Variants in GRIA3 observed in about 807,000 individuals in gnomAD.
GRIA3 encodes glutamate receptor 3.
GRIA3 carries 3 observed loss-of-function variants against 63.0 expected under a neutral mutation model. The observed-to-expected ratio is 0.05, with a 90% CI of 0.02 to 0.12. The LOEUF is 0.12. Among genes scored for constraint, GRIA3 ranks in the 10% least tolerant of loss-of-function variants. The pLI is 1.00. For synonymous variants in GRIA3, 274 were observed against 257.9 expected, an observed-to-expected ratio of 1.06 and a Z score of -0.60; for missense variants, 347 against 700.9, an observed-to-expected ratio of 0.50 and a Z score of 5.70.
intron 2 of GRIA3, among the ~76,000 whole-genome samples, chrX:123,250,399 C>T (rs1474272643): frequency 8.9e-6 from 1 of 111,960 alleles, no homozygotes; most frequent in African/African-American, 3.2e-5. Flanking sequence ...ACCAGAACCT[C>T]GCCACTTATC....
At chrX:123,261,592 C>T (rs771239808) in intron 3 of GRIA3, among the ~76,000 whole-genome samples, 10 of 111,637 alleles carry the variant, frequency 9.0e-5, no homozygotes, top group African/African-American at 2.9e-4. Context: ...CCTTCATATG[C>T]GGAAATGGTG....
At chrX:123,226,998 C>G (rs906285183) in intron 2 of GRIA3, among the ~76,000 whole-genome samples, 3 of 111,025 alleles carry the variant, frequency 2.7e-5, no homozygotes, top group Non-Finnish European at 5.7e-5. Flanking sequence ...CTAATATGAC[C>G]ACTAATAAAA....
chrX:123,184,617 G>C lies in GRIA3; in HGVS notation c.82G>C (p.Gly28Arg). ...CCTGGGGCTTTTGGGTCATTCTCAC[G>C]GAGGATTCCCCAACACCATCAGCAT... ...LVLGLLGHSH[G>R]GFPNTISIGG... The change falls in exon 1 of 16, where the codon GGA becomes CGA. Residue 28 changes from glycine (G) to arginine (R), a missense_variant. Coordinates refer to ENST00000620443, the MANE Select transcript of GRIA3 (RefSeq NM_007325.5). 1 of 1,201,767 alleles carries C rather than the reference G, an allele frequency of 8.3e-7. No homozygotes were observed. Among genetic ancestry groups the C allele is most frequent in the Non-Finnish European group, 1.1e-6 (1 of 887,124 alleles).
Position 123,368,333 on chromosome X carries a change from T to A in GRIA3, c.750+13370T>A, listed in dbSNP as rs746055351. 8.9e-5 allele frequency among the ~76,000 whole-genome samples: 10 copies of A among 111,849 alleles called. No homozygotes were observed. In the South Asian group the frequency reaches 3.8e-3, roughly 43 times the overall value. On this transcript the variant is annotated intron_variant, in intron 5 of 15. Transcript: ENST00000620443. ...AGCCAGCTAGCTATGGAGAATAATTTGACAGCTGGCAGGCAGACAGGTAGG... is the reference window on the plus strand; with the variant it reads ...AGCCAGCTAGCTATGGAGAATAATTAGACAGCTGGCAGGCAGACAGGTAGG...
intron 12 of GRIA3, among the ~76,000 whole-genome samples, chrX:123,436,424 T>C (rs917936916): frequency 9.0e-6 from 1 of 111,627 alleles, no homozygotes; most frequent in Non-Finnish European, 1.9e-5. Context: ...AATATTACTA[T>C]TGTGCTCATC....
At chrX:123,376,820 A>G (rs1053055454) in intron 5 of GRIA3, among the ~76,000 whole-genome samples, 3 of 110,067 alleles carry the variant, frequency 2.7e-5, no homozygotes, top group Admixed American at 1.9e-4. Flanking sequence ...AATGCCTTCA[A>G]ATGTTGTCAT....
At chrX:123,283,684 A>G (rs886499962) in intron 3 of GRIA3, among the ~76,000 whole-genome samples, 1 of 111,252 alleles carries the variant, frequency 9.0e-6, no homozygotes, top group African/African-American at 3.3e-5. Context: ...CTGTAACCAG[A>G]CTCCCTCTCT....
rs1391877228 is a variant in GRIA3, at chrX:123,188,638, C to A, written c.268+2648C>A. ...ACAGATGAGTCTCAATCTGGCCAAC[C>A]ACCTCTCCTATCTGGTTCAATATGG... On this transcript the variant is annotated intron_variant, in intron 2 of 15. Coordinates refer to ENST00000620443, the MANE Select transcript of GRIA3 (RefSeq NM_007325.5). 2.7e-5 allele frequency among the ~76,000 whole-genome samples: 3 copies of A among 110,913 alleles called. No individual in the cohort carries two copies. In the South Asian group the frequency reaches 1.2e-3, roughly 43 times the overall value.
Position 123,253,558 on chromosome X carries a change from T to A in GRIA3, c.508+16T>A. ...ACAGAACGAGGTAAGAAGAGGCACC[T>A]GCTCTGCTCTTTAGATATTCATGTA... On this transcript the variant is annotated intron_variant, in intron 3 of 15. Transcript: ENST00000620443. The A allele has an allele frequency of 2.5e-6, 3 of 1,193,060 alleles. No homozygotes were observed. The highest frequency in any genetic ancestry group is 3.4e-6 in the Non-Finnish European group (3 of 879,993).
chrX:123,271,704 G>A (rs539306090), intron 3 of GRIA3, among the ~76,000 whole-genome samples: 1 of 111,929 alleles, frequency 8.9e-6, no homozygotes, highest in Admixed American at 9.5e-5. Context: ...ATTTCCTTTA[G>A]TCGTCACAAA....
chrX:123,463,690 G>A (rs1460448945), intron 12 of GRIA3, among the ~76,000 whole-genome samples: 3 of 45,745 alleles, frequency 6.6e-5, no homozygotes, highest in East Asian at 6.2e-4. Flanking sequence ...GAAAGAGAGA[G>A]AAAGAAAGAA....
At chrX:123,401,163 G>T (rs2045441554) in intron 7 of GRIA3, among the ~76,000 whole-genome samples, 2 of 111,912 alleles carry the variant, frequency 1.8e-5, no homozygotes, top group South Asian at 7.5e-4. Flanking sequence ...TTCAATACTG[G>T]ACCACATCCT....
intron 2 of GRIA3, among the ~76,000 whole-genome samples, chrX:123,189,833 C>A (rs898376250): frequency 1.8e-5 from 2 of 111,096 alleles, no homozygotes; most frequent in African/African-American, 6.6e-5. Context: ...CTAAACGTAA[C>A]CCATCAGATG....
At chrX:123,456,380 C>T (rs2035893549) in intron 12 of GRIA3, among the ~76,000 whole-genome samples, 1 of 111,315 alleles carries the variant, frequency 9.0e-6, no homozygotes, top group South Asian at 3.8e-4. Context: ...AAATCTAAGG[C>T]CTCTCTGAAT....
At chrX:123,257,862 A>C (rs2044428626) in intron 3 of GRIA3, among the ~76,000 whole-genome samples, 1 of 111,660 alleles carries the variant, frequency 9.0e-6, no homozygotes. Context: ...TTTCTCTGAA[A>C]TTATGAAACA....
At chrX:123,455,332 GA>G (rs1384342256) in intron 12 of GRIA3, among the ~76,000 whole-genome samples, 1 of 112,103 alleles carries the variant, frequency 8.9e-6, no homozygotes, top group African/African-American at 3.2e-5. Context: ...AGTGAAGGAA[GA>G]AAGTGAAATT....
At chrX:123,388,201 CCA>C (rs1327668718) in intron 5 of GRIA3, among the ~76,000 whole-genome samples, 3 of 111,424 alleles carry the variant, frequency 2.7e-5, no homozygotes, top group Non-Finnish European at 5.7e-5. Context: ...TCAAGGTTTT[CCA>C]GTTTGTTATC....
At chrX:123,236,593 A>G (rs758799470) in intron 2 of GRIA3, among the ~76,000 whole-genome samples, 3 of 111,213 alleles carry the variant, frequency 2.7e-5, no homozygotes, top group African/African-American at 6.5e-5. Flanking sequence ...TTATTCCTAT[A>G]ATAATAGGGT....
At chrX:123,315,316 G>A (rs188824068) in intron 3 of GRIA3, among the ~76,000 whole-genome samples, 1 of 112,338 alleles carries the variant, frequency 8.9e-6, no homozygotes, top group East Asian at 2.8e-4. Flanking sequence ...AAAATTCACA[G>A]ACTGACATCC....
Sources: gnomAD v4.1 joint callset for allele counts (sites outside exome capture counted in the v4.1 genomes callset) on GRCh38, gnomAD v4.1.1 for gene constraint, MANE v1.5 for transcripts, NCBI Gene and HGNC (gene_info 2026-07-23, HGNC 2026-07-21) for gene names.